RERE: variants seen among roughly 807,000 people sequenced by gnomAD.
RERE encodes the protein arginine-glutamic acid dipeptide repeats protein.
In RERE, 40 loss-of-function variants were observed where a neutral mutation model predicts 146.1. That is an observed-to-expected ratio of 0.27 (90% CI 0.21 to 0.36). RERE has a LOEUF of 0.36. RERE is among the 10% of genes least tolerant of loss of function. The probability of loss-of-function intolerance (pLI) is 1.00; values close to 1 mark genes in which losing one functional copy is unlikely to be tolerated. For missense variants in RERE, 1,933 were observed against 2,138.7 expected (o/e 0.90, Z 1.90); for synonymous variants, 1,003 against 866.0 (o/e 1.16, Z -2.78).
intron 8 of RERE, among the ~76,000 whole-genome samples, chr1:8,506,547 T>G (rs1272213928): frequency 6.6e-6 from 1 of 152,246 alleles, no homozygotes; most frequent in Admixed American, 6.5e-5. Flanking sequence ...GAAATCTCTA[T>G]GCACTTCCAA....
chr1:8,368,864 C>T (rs1054274551), intron 12 of RERE, among the ~76,000 whole-genome samples: 2 of 150,006 alleles, frequency 1.3e-5, no homozygotes, highest in South Asian at 2.1e-4. Flanking sequence ...AGTTCAAGAC[C>T]AGCCTGGGCA....
In RERE at chr1:8,356,284, C is replaced by A; in HGVS notation, c.4340-38G>T. 6.7e-7 allele frequency: 1 copy of A among 1,486,376 alleles called. No individual in the cohort carries two copies. The highest frequency in any genetic ancestry group is 3.2e-5 in the Admixed American group (1 of 31,358). The allele number at this position is 1,486,376 out of a possible 1,614,324, so 92.1% of individuals were successfully genotyped here. A position where few individuals can be genotyped will look rare whatever the true frequency, so the allele number is the denominator to read the frequency against. ...CAAAACGCCAGATGGAGGCGGTGTG[C>A]AGCTCTTCAATGTTTGTCCCCCTTG... On this transcript the variant is annotated intron_variant, in intron 20 of 22. Transcript: ENST00000400908. The surrounding 1 kb of genome is among the most constrained non-coding windows in gnomAD (Gnocchi z 5.2).
intron 19 of RERE, 55 bp downstream of exon 19, chr1:8,359,709 C>T: frequency 1.3e-6 from 2 of 1,571,276 alleles, no homozygotes; most frequent in Non-Finnish European, 8.6e-7. Flanking sequence ...AGCGTGGCTC[C>T]CAGGCGCAGG....
At chr1:8,665,863 A>G (rs1482449771) in intron 1 of RERE, among the ~76,000 whole-genome samples, 1 of 152,188 alleles carries the variant, frequency 6.6e-6, no homozygotes, top group Non-Finnish European at 1.5e-5. Context: ...GACACAACAA[A>G]TAACCATGCA....
At chr1:8,800,273 T>C (rs937190287) in intron 1 of RERE, among the ~76,000 whole-genome samples, 1 of 120,420 alleles carries the variant, frequency 8.3e-6, no homozygotes, top group African/African-American at 3.1e-5. Context: ...AAAAAAAAAA[T>C]ACATAAATTA....
In RERE at chr1:8,649,659, G is replaced by A. The variant is rs183604258; in HGVS notation, c.325+6314C>T. On this transcript the variant is annotated intron_variant, in intron 2 of 22. Coordinates refer to ENST00000400908, the MANE Select transcript of RERE (RefSeq NM_001042681.2). ...GCAGGAGAATCACTTGAACCCAGGAGGCGGAGGTTGCAGTGAGCTGAGATT... is the reference window on the plus strand; with the variant it reads ...GCAGGAGAATCACTTGAACCCAGGAAGCGGAGGTTGCAGTGAGCTGAGATT... Among the ~76,000 whole-genome samples the A allele has an allele frequency of 2.9e-3, 440 of 151,774 alleles. 3 individuals are homozygous for A. The highest frequency in any genetic ancestry group is 0.01 in the African/African-American group (419 of 41,330).
intron 4 of RERE, among the ~76,000 whole-genome samples, chr1:8,583,020 C>A (rs1297183752): frequency 1.3e-5 from 2 of 152,160 alleles, no homozygotes; most frequent in Non-Finnish European, 2.9e-5. Flanking sequence ...AACGATTCCT[C>A]TGTCTGATCT....
chr1:8,789,588 G>A (rs1241667563), intron 1 of RERE, among the ~76,000 whole-genome samples: 1 of 151,950 alleles, frequency 6.6e-6, no homozygotes, highest in Admixed American at 6.6e-5. Flanking sequence ...GTCTCTGGCT[G>A]ACGTGCTACC....
chr1:8,516,156 T>G (rs962374910), intron 7 of RERE, among the ~76,000 whole-genome samples: 2 of 134,180 alleles, frequency 1.5e-5, no homozygotes, highest in African/African-American at 5.8e-5. Context: ...ACCCAGGAGA[T>G]GGAGGCTGCA....
intron 8 of RERE, among the ~76,000 whole-genome samples, chr1:8,500,152 CAAT>C (rs996610756): frequency 1.8e-4 from 27 of 152,142 alleles, no homozygotes; most frequent in Admixed American, 5.2e-4. Flanking sequence ...ATAACAACAA[CAAT>C]AACACAACAA....
At chr1:8,770,069 C>T (rs1201189289) in intron 1 of RERE, among the ~76,000 whole-genome samples, 3 of 152,098 alleles carry the variant, frequency 2.0e-5, no homozygotes, top group Admixed American at 6.5e-5. Context: ...AGATAACAGG[C>T]GTGAGCCACC....
intron 4 of RERE, among the ~76,000 whole-genome samples, chr1:8,564,814 A>ATGTGTGTG (rs1375952179): frequency 6.0e-5 from 6 of 100,256 alleles, no homozygotes; most frequent in Non-Finnish European, 1.1e-4. Context: ...GTGTGTATGT[A>ATGTGTGTG]TGTGTGTGTA....
chr1:8,380,024 G>A (rs1039251433), intron 12 of RERE, among the ~76,000 whole-genome samples: 2 of 152,172 alleles, frequency 1.3e-5, no homozygotes, highest in African/African-American at 4.8e-5. Context: ...GGTGACCTCA[G>A]TCACCCCACT....
intron 7 of RERE, among the ~76,000 whole-genome samples, chr1:8,538,796 C>T (rs1200734705): frequency 6.6e-6 from 1 of 152,168 alleles, no homozygotes; most frequent in Non-Finnish European, 1.5e-5. Context: ...AGAAAGGTCA[C>T]TAAGGGAAGT....
intron 12 of RERE, among the ~76,000 whole-genome samples, chr1:8,396,620 T>C (rs1643065058): frequency 6.6e-6 from 1 of 152,166 alleles, no homozygotes; most frequent in Non-Finnish European, 1.5e-5. Context: ...TAATTATACT[T>C]CCAAAGGTAA....
intron 4 of RERE, among the ~76,000 whole-genome samples, chr1:8,570,418 G>A (rs894388989): frequency 2.0e-4 from 31 of 152,004 alleles, no homozygotes; most frequent in African/African-American, 6.5e-4. Context: ...CTACATGCTC[G>A]TGTTAACATA....
chr1:8,706,113 CAAAAAAAAAAAA>C lies in RERE; in HGVS notation c.-144-49684_-144-49673del, dbSNP rs61016240. ...GGGTGACAGAGCAAGACTCCGTCTC[CAAAAAAAAAAAA>C]AAAAAAAAAAAAAGAATGTCTTCTA... On this transcript the variant is annotated intron_variant, in intron 1 of 22. Transcript: ENST00000400908. Among the ~76,000 whole-genome samples, 9 of 69,190 alleles carry C rather than the reference CAAAAAAAAAAAA, an allele frequency of 1.3e-4. No homozygotes were observed. The South Asian group carries it at 3.3e-3, about 25-fold the overall frequency. The allele number at this position is 69,190 out of a possible 152,430, so 45.4% of individuals were successfully genotyped here.
chr1:8,626,734 T>C (rs6577507), intron 2 of RERE, among the ~76,000 whole-genome samples: 2,305 of 152,220 alleles, frequency 0.015, 60 homozygotes, highest in African/African-American at 0.053. Flanking sequence ...CTGCCCTAAA[T>C]CCTTAAGTAA....
At chr1:8,636,254 C>G (rs1647100819) in intron 2 of RERE, among the ~76,000 whole-genome samples, 2 of 152,192 alleles carry the variant, frequency 1.3e-5, no homozygotes, top group African/African-American at 4.8e-5. Context: ...TCCCAAAGTG[C>G]TGGGATTACA....
Sources: allele counts gnomAD v4.1 joint callset (sites outside exome capture counted in the v4.1 genomes callset), GRCh38; gene constraint gnomAD v4.1.1; non-coding constraint Gnocchi (gnomAD v3.1); transcripts MANE v1.5; gene names NCBI Gene and HGNC (gene_info 2026-07-23, HGNC 2026-07-21).